Variants in CFAP144 observed in about 807,000 individuals in gnomAD.
CFAP144 encodes the protein cilia and flagella associated protein 144.
the CFAP144 span, chr1:43,145,387 G>A: frequency 5.0e-6 from 5 of 1,003,380 alleles, no homozygotes; most frequent in Non-Finnish European, 7.7e-6. Flanking sequence ...AGATAGATGG[G>A]GACTTAGGTT....
chr1:43,154,070 A>G, the CFAP144 span, among the ~76,000 whole-genome samples: 4,979 of 111,644 alleles, frequency 0.045, 285 homozygotes, highest in African/African-American at 0.22. Context: ...GTGTATATAT[A>G]TATATATATA....
the CFAP144 span, among the ~76,000 whole-genome samples, chr1:43,146,762 T>C: frequency 2.6e-5 from 4 of 152,206 alleles, no homozygotes; most frequent in Non-Finnish European, 5.9e-5. Flanking sequence ...AAGTACTGAG[T>C]GGGGAAGAGC....
chr1:43,152,129 A>G, the CFAP144 span, among the ~76,000 whole-genome samples: 2 of 152,124 alleles, frequency 1.3e-5, no homozygotes, highest in African/African-American at 4.8e-5. Context: ...ACAAGCCGGT[A>G]GTAGCACTGA....
At chr1:43,147,502 C>T in the CFAP144 span, among the ~76,000 whole-genome samples, 1 of 151,952 alleles carries the variant, frequency 6.6e-6, no homozygotes, top group Admixed American at 6.5e-5. Context: ...AGGAAACCTC[C>T]GGTTTTTTTG....
At chr1:43,152,764 G>C in the CFAP144 span, 1 of 1,474,754 alleles carries the variant, frequency 6.8e-7, no homozygotes, top group Non-Finnish European at 9.1e-7. Flanking sequence ...ACGCAGGAAA[G>C]GGCACAGGAC....
the CFAP144 span, among the ~76,000 whole-genome samples, chr1:43,150,157 G>A: frequency 6.6e-6 from 1 of 152,172 alleles, no homozygotes; most frequent in Admixed American, 6.5e-5. Context: ...ACATTTGCCG[G>A]GTGATATATG....
At chr1:43,150,099 G>A in the CFAP144 span, among the ~76,000 whole-genome samples, 4 of 152,146 alleles carry the variant, frequency 2.6e-5, no homozygotes, top group East Asian at 1.9e-4. Flanking sequence ...CAGCCCCAAC[G>A]CCAACTCTCC....
At chr1:43,147,773 G>A in the CFAP144 span, 1 of 1,454,368 alleles carries the variant, frequency 6.9e-7, no homozygotes, top group Non-Finnish European at 9.0e-7. Context: ...GGCGGGCGCG[G>A]GGCGGGGCGA....
chr1:43,149,809 A>G, the CFAP144 span, among the ~76,000 whole-genome samples: 1 of 152,204 alleles, frequency 6.6e-6, no homozygotes, highest in Non-Finnish European at 1.5e-5. Context: ...GTCCATAAAA[A>G]CTATATAATT....
At chr1:43,145,782 C>A in the CFAP144 span, among the ~76,000 whole-genome samples, 1 of 152,126 alleles carries the variant, frequency 6.6e-6, no homozygotes, top group African/African-American at 2.4e-5. Flanking sequence ...GGCCAAGAAG[C>A]GGCAAGACTG....
chr1:43,145,208 G>T, the CFAP144 span: 1 of 1,509,454 alleles, frequency 6.6e-7, no homozygotes, highest in Non-Finnish European at 9.0e-7. Context: ...ACGGAACTTG[G>T]TCTGTAGCCA....
chr1:43,155,775 ATCAT>A, the CFAP144 span, among the ~76,000 whole-genome samples: 1 of 152,360 alleles, frequency 6.6e-6, no homozygotes, highest in Admixed American at 6.5e-5. Context: ...CTCAATGACC[ATCAT>A]TCAGCCTCTC....
chr1:43,143,263 G>C, the CFAP144 span, among the ~76,000 whole-genome samples: 2 of 152,150 alleles, frequency 1.3e-5, no homozygotes, highest in Non-Finnish European at 2.9e-5. Flanking sequence ...GTCTCTACCT[G>C]AAATACACAG....
chr1:43,146,106 G>A, the CFAP144 span, among the ~76,000 whole-genome samples: 3 of 152,200 alleles, frequency 2.0e-5, no homozygotes, highest in Non-Finnish European at 2.9e-5. Flanking sequence ...AGATCTCACT[G>A]AGAAAGGGTA....
the CFAP144 span, chr1:43,148,138 G>C: frequency 8.9e-6 from 14 of 1,579,920 alleles, no homozygotes; most frequent in Non-Finnish European, 8.6e-6. Flanking sequence ...CGCCGGGGAA[G>C]GAGGAGCCCT....
chr1:43,153,091 G>T, the CFAP144 span: 1 of 882,642 alleles, frequency 1.1e-6, no homozygotes. Context: ...CAGTTTAATT[G>T]TTGTAAAATG....
the CFAP144 span, among the ~76,000 whole-genome samples, chr1:43,151,578 G>A: frequency 2.6e-5 from 4 of 152,282 alleles, no homozygotes; most frequent in East Asian, 5.8e-4. Context: ...GAAAGTTACA[G>A]AAATGAGAAA....
the CFAP144 span, among the ~76,000 whole-genome samples, chr1:43,152,475 A>C: frequency 6.6e-6 from 1 of 151,998 alleles, no homozygotes; most frequent in African/African-American, 2.4e-5. Context: ...CCCTTCACCT[A>C]TTCCTTTCTT....
the CFAP144 span, chr1:43,156,153 G>C: frequency 9.9e-6 from 15 of 1,522,526 alleles, no homozygotes; most frequent in African/African-American, 1.4e-4. Flanking sequence ...TCCAAACCCA[G>C]GTCCTCCTGC....
Sources: allele counts gnomAD v4.1 joint callset (sites outside exome capture counted in the v4.1 genomes callset), GRCh38; gene constraint gnomAD v4.1.1; transcripts MANE v1.5; gene names NCBI Gene and HGNC (gene_info 2026-07-23, HGNC 2026-07-21).